CNTN4: variants seen among roughly 807,000 people sequenced by gnomAD.
The protein encoded by CNTN4 is contactin 4, also known as contactin-4.
In CNTN4, 77 loss-of-function variants were observed where a neutral mutation model predicts 122.5. The ratio of observed to expected loss-of-function variants is 0.63; its 90% CI spans 0.52 to 0.76. CNTN4 has a LOEUF of 0.76. CNTN4 is among the 30% of genes least tolerant of loss of function. The probability of loss-of-function intolerance (pLI) is 0.00; values close to 1 mark genes in which losing one functional copy is unlikely to be tolerated. For missense variants in CNTN4, 1,256 were observed against 1,259.1 expected (o/e 1.00, Z 0.04); for synonymous variants, 512 against 447.0 (o/e 1.15, Z -1.83).
intron 6 of CNTN4, among the ~76,000 whole-genome samples, chr3:2,759,071 A>G (rs1368513170): frequency 6.6e-6 from 1 of 152,168 alleles, no homozygotes; most frequent in Non-Finnish European, 1.5e-5. Context: ...TGTAAATGAA[A>G]TCGTAATATA....
intron 12 of CNTN4, 32 bp downstream of exon 12, chr3:2,903,037 TA>T (rs772089188): frequency 6.2e-7 from 1 of 1,604,500 alleles, no homozygotes; most frequent in Non-Finnish European, 8.5e-7. Flanking sequence ...AAAAAAAAAT[TA>T]AAACTCTTTA....
chr3:2,941,622 C>G (rs894088383), intron 13 of CNTN4, among the ~76,000 whole-genome samples: 2 of 152,210 alleles, frequency 1.3e-5, no homozygotes, highest in African/African-American at 2.4e-5. Context: ...TGCTGGTGCA[C>G]TGGCCCAACC....
chr3:2,842,101 T>A (rs1360689714), intron 7 of CNTN4, among the ~76,000 whole-genome samples: 1 of 152,198 alleles, frequency 6.6e-6, no homozygotes, highest in African/African-American at 2.4e-5. Context: ...GAGTGTGTTC[T>A]TCAACATAAG....
At chr3:2,423,613 G>A (rs554147783) in intron 3 of CNTN4, among the ~76,000 whole-genome samples, 18 of 151,932 alleles carry the variant, frequency 1.2e-4, no homozygotes, top group African/African-American at 4.3e-4. Context: ...ATTTGCTCTG[G>A]TTTTGCTAAT....
At chr3:2,304,859 A>G (rs181509431) in intron 2 of CNTN4, among the ~76,000 whole-genome samples, 7 of 151,238 alleles carry the variant, frequency 4.6e-5, no homozygotes, top group South Asian at 4.2e-4. Context: ...ATCTGGTAAG[A>G]TTGTATCTTT....
At chr3:2,519,895 A>G (rs1031177014) in intron 3 of CNTN4, among the ~76,000 whole-genome samples, 2 of 152,140 alleles carry the variant, frequency 1.3e-5, no homozygotes, top group Non-Finnish European at 2.9e-5. Flanking sequence ...AGTGGCATAT[A>G]CTCTACCTAA....
At chr3:2,171,713 T>C (rs1003390152) in intron 2 of CNTN4, among the ~76,000 whole-genome samples, 18 of 152,168 alleles carry the variant, frequency 1.2e-4, no homozygotes, top group African/African-American at 4.3e-4. Context: ...CTCATAGTTA[T>C]GAGGGAAACA....
At chr3:2,797,396 G>A (rs959992603) in intron 6 of CNTN4, among the ~76,000 whole-genome samples, 5 of 152,260 alleles carry the variant, frequency 3.3e-5, no homozygotes, top group East Asian at 1.9e-4. Flanking sequence ...TCAGGAGTTC[G>A]AGACCAACCT....
intron 2 of CNTN4, among the ~76,000 whole-genome samples, chr3:2,249,550 G>C (rs1153507): frequency 6.6e-6 from 1 of 151,696 alleles, no homozygotes; most frequent in Non-Finnish European, 1.5e-5. Context: ...AATCTAGCTT[G>C]TAGAGTCAAG....
chr3:2,491,178 T>A (rs927520333), intron 3 of CNTN4, among the ~76,000 whole-genome samples: 1 of 152,120 alleles, frequency 6.6e-6, no homozygotes, highest in Non-Finnish European at 1.5e-5. Context: ...ACCCAGCACA[T>A]AGTACGTACT....
chr3:2,101,170 A>G (rs2031917373), intron 2 of CNTN4, among the ~76,000 whole-genome samples: 1 of 152,174 alleles, frequency 6.6e-6, no homozygotes, highest in Non-Finnish European at 1.5e-5. Flanking sequence ...TTTATCATTC[A>G]CTTATTTTAC....
At chr3:2,589,172 T>C (rs905219343) in intron 4 of CNTN4, among the ~76,000 whole-genome samples, 1 of 152,136 alleles carries the variant, frequency 6.6e-6, no homozygotes, top group Non-Finnish European at 1.5e-5. Flanking sequence ...TAGAAAGTTA[T>C]TGTGACTGGA....
chr3:2,841,782 C>T lies in CNTN4; in HGVS notation c.454+22201C>T, dbSNP rs116078728. Among the ~76,000 whole-genome samples, 916 of 152,226 alleles carry T rather than the reference C, an allele frequency of 6.0e-3. 7 individuals carry two copies. The highest frequency in any genetic ancestry group is 0.021 in the African/African-American group (880 of 41,512). Reference sequence around the variant, plus strand: ...GATCATTTTCAGGAATTTTATTCTTCCTCCCTTGACCACAAATATTAAACG... The same window carrying T: ...GATCATTTTCAGGAATTTTATTCTTTCTCCCTTGACCACAAATATTAAACG... On this transcript the variant is annotated intron_variant, in intron 7 of 24. Coordinates refer to ENST00000418658, the MANE Select transcript of CNTN4 (RefSeq NM_175607.3). The surrounding 1 kb of genome is among the most constrained non-coding windows in gnomAD (Gnocchi z 4.8).
chr3:2,137,838 C>G (rs1442762926), intron 2 of CNTN4, among the ~76,000 whole-genome samples: 1 of 152,154 alleles, frequency 6.6e-6, no homozygotes, highest in Admixed American at 6.6e-5. Flanking sequence ...CCCTACCCCA[C>G]CCCTACTGCA....
At chr3:2,382,856 C>T (rs2046078454) in intron 3 of CNTN4, among the ~76,000 whole-genome samples, 1 of 152,066 alleles carries the variant, frequency 6.6e-6, no homozygotes, top group East Asian at 1.9e-4. Context: ...GGCGGATCAC[C>T]TGAGGTCAGG....
rs139542722 is a variant in CNTN4, at chr3:3,026,118, G to T, written c.1503G>T (p.Met501Ile). Residue 501 changes from methionine to isoleucine, a missense_variant, in exon 15 of 25, where the codon ATG (methionine) becomes ATT (isoleucine). Physicochemically the swap from Met to Ile is conservative, Grantham distance 10. Coordinates refer to ENST00000418658, the MANE Select transcript of CNTN4 (RefSeq NM_175607.3). ...ACTCTCCAGATCCAACAAGGGTAAT[G>T]GTACCCCCTTCCAGTATGGATGTCA... ...NLVVKDPTRVMVPPSSMDVTV... is the reference protein window; with the variant it reads ...NLVVKDPTRVIVPPSSMDVTV... 101 of 1,613,224 alleles carry T rather than the reference G, an allele frequency of 6.3e-5. No individual in the cohort carries two copies. The highest frequency in any genetic ancestry group is 1.7e-4 in the Middle Eastern group (1 of 6,050).
intron 3 of CNTN4, among the ~76,000 whole-genome samples, chr3:2,497,448 T>C (rs563848342): frequency 6.6e-6 from 1 of 152,308 alleles, no homozygotes; most frequent in African/African-American, 2.4e-5. Context: ...TCACACCTAC[T>C]GTTAGTAGTT....
At chr3:2,362,896 G>T (rs996420099) in intron 3 of CNTN4, among the ~76,000 whole-genome samples, 2 of 152,170 alleles carry the variant, frequency 1.3e-5, no homozygotes, top group African/African-American at 4.8e-5. Flanking sequence ...GACTTTTAGG[G>T]AGAACAACTA....
chr3:2,653,079 A>AT (rs1357127725), intron 4 of CNTN4, among the ~76,000 whole-genome samples: 1 of 152,020 alleles, frequency 6.6e-6, no homozygotes, highest in African/African-American at 2.4e-5. Context: ...AATGAAGCTA[A>AT]TTTTTTTGTG....
Sources: allele counts gnomAD v4.1 joint callset (sites outside exome capture counted in the v4.1 genomes callset), GRCh38; gene constraint gnomAD v4.1.1; non-coding constraint Gnocchi (gnomAD v3.1); transcripts MANE v1.5; gene names NCBI Gene and HGNC (gene_info 2026-07-23, HGNC 2026-07-21).